Variants in LRRC4C observed in about 807,000 individuals in gnomAD.
LRRC4C encodes leucine rich repeat containing 4C.
LRRC4C carries 5 observed loss-of-function variants against 33.6 expected under a neutral mutation model. That is an observed-to-expected ratio of 0.15 (90% confidence interval 0.08 to 0.31). The LOEUF (loss-of-function observed/expected upper bound fraction) is 0.31, where lower values mean the gene tolerates loss of function less well. Among genes scored for constraint, LRRC4C ranks in the 10% least tolerant of loss-of-function variants. The pLI is 1.00. For synonymous variants in LRRC4C, 329 were observed against 302.0 expected (o/e 1.09, Z -0.93); for missense variants, 560 against 796.7 (o/e 0.70, Z 3.58).
chr11:40,278,951 G>A (rs1188263146), intron 4 of LRRC4C, among the ~76,000 whole-genome samples: 4 of 152,142 alleles, frequency 2.6e-5, no homozygotes, highest in Non-Finnish European at 4.4e-5. Context: ...TGTGATCTCA[G>A]GGTGCTCACT....
At chr11:40,710,992 G>A (rs1179870302) in intron 2 of LRRC4C, among the ~76,000 whole-genome samples, 2 of 152,184 alleles carry the variant, frequency 1.3e-5, no homozygotes, top group Non-Finnish European at 2.9e-5. Context: ...TGTGGGACCC[G>A]CTGAGCCAGG....
In LRRC4C at chr11:40,307,038, A is replaced by AT. The variant is rs888310974; in HGVS notation, c.-176+12589dup. 2.7e-4 allele frequency among the ~76,000 whole-genome samples: 39 copies of AT among 145,580 alleles called. 1 individual carries two copies. Among genetic ancestry groups the AT allele is most frequent in the South Asian group, 4.4e-4 (2 of 4,590 alleles). On this transcript the variant is annotated intron_variant, in intron 4 of 6. Transcript: ENST00000528697. The stretch of plus-strand genomic sequence containing the variant: ...TCTAATATCTATCTATCTATATACA[A>AT]TTTTTTTTTGTTTTTGTTTTTTTGC...
intron 2 of LRRC4C, among the ~76,000 whole-genome samples, chr11:40,803,503 C>T (rs1050963422): frequency 6.6e-6 from 1 of 152,128 alleles, no homozygotes; most frequent in African/African-American, 2.4e-5. Flanking sequence ...CATCATCTAA[C>T]TTAATCCATT....
chr11:40,471,584 C>T (rs1166590134), intron 3 of LRRC4C, among the ~76,000 whole-genome samples: 1 of 150,150 alleles, frequency 6.7e-6, no homozygotes, highest in Non-Finnish European at 1.5e-5. Flanking sequence ...TAAAAGATCC[C>T]TCAGTGTGCT....
At chr11:40,717,583 G>T (rs79052176) in intron 2 of LRRC4C, among the ~76,000 whole-genome samples, 3,640 of 152,054 alleles carry the variant, frequency 0.024, 157 homozygotes, top group African/African-American at 0.083. Flanking sequence ...GTACAGATTA[G>T]GTACCAGTCA....
Position 40,127,206 on chromosome 11 carries a change from G to T in LRRC4C, c.-42-10872C>A, listed in dbSNP as rs548352045. ...GCAGGAAAATCGCTTGAACCGGGAG[G>T]CGGAGGTTACAGTCAGCCAAGATTG... On this transcript the variant is annotated intron_variant, in intron 6 of 6. Transcript: ENST00000528697. Among the ~76,000 whole-genome samples, 158 of 152,190 alleles carry T rather than the reference G, an allele frequency of 1.0e-3. 1 individual carries two copies. Among genetic ancestry groups the T allele is most frequent in the Non-Finnish European group, 2.0e-3 (138 of 68,026 alleles).
At chr11:41,073,560 T>A (rs1393707486) in intron 1 of LRRC4C, among the ~76,000 whole-genome samples, 1 of 152,194 alleles carries the variant, frequency 6.6e-6, no homozygotes, top group Non-Finnish European at 1.5e-5. Context: ...TAACCCATGT[T>A]AGAACTCCAC....
chr11:40,126,986 A>G (rs1478176923), intron 6 of LRRC4C, among the ~76,000 whole-genome samples: 1 of 151,850 alleles, frequency 6.6e-6, no homozygotes, highest in East Asian at 1.9e-4. Context: ...TAAAAAGAAG[A>G]AGAGAATTTG....
intron 2 of LRRC4C, among the ~76,000 whole-genome samples, chr11:40,863,449 T>A (rs1954201651): frequency 6.6e-6 from 1 of 152,202 alleles, no homozygotes; most frequent in African/African-American, 2.4e-5. Flanking sequence ...GGAACCTGTC[T>A]CATGATATCA....
At chr11:40,142,510 C>G (rs972157545) in intron 5 of LRRC4C, among the ~76,000 whole-genome samples, 2 of 151,906 alleles carry the variant, frequency 1.3e-5, no homozygotes, top group African/African-American at 4.8e-5. Flanking sequence ...ATCAAATAGC[C>G]GGTTCTCAAT....
chr11:41,089,700 A>G (rs1940262581), intron 1 of LRRC4C, among the ~76,000 whole-genome samples: 1 of 152,092 alleles, frequency 6.6e-6, no homozygotes, highest in African/African-American at 2.4e-5. Flanking sequence ...TATATCTGAC[A>G]TATAATTTAC....
chr11:41,453,363 T>C (rs1956085271), intron 1 of LRRC4C, among the ~76,000 whole-genome samples: 1 of 152,094 alleles, frequency 6.6e-6, no homozygotes, highest in Admixed American at 6.6e-5. Flanking sequence ...GACCCATTGG[T>C]TCAGAGAAGC....
chr11:40,395,757 C>T (rs1204570391), intron 3 of LRRC4C, among the ~76,000 whole-genome samples: 11 of 152,042 alleles, frequency 7.2e-5, no homozygotes, highest in African/African-American at 1.4e-4. Context: ...GAGGCTGAGG[C>T]GGTCAGATCA....
chr11:40,399,970 A>T (rs1397749834), intron 3 of LRRC4C, among the ~76,000 whole-genome samples: 1 of 152,142 alleles, frequency 6.6e-6, no homozygotes, highest in African/African-American at 2.4e-5. Flanking sequence ...CAAAGGACAA[A>T]ATAAAGACCA....
intron 4 of LRRC4C, among the ~76,000 whole-genome samples, chr11:40,304,508 C>T (rs928106898): frequency 3.9e-5 from 6 of 152,032 alleles, no homozygotes; most frequent in African/African-American, 7.2e-5. Flanking sequence ...TTTATTCAAA[C>T]GAAATATTAA....
Position 40,837,971 on chromosome 11 carries a change from A to C in LRRC4C, c.-407+95664T>G, listed in dbSNP as rs144356169. Reference sequence around the variant, plus strand: ...AAATAATATATTTTAGACTTATAACAAAAAATACCATTGAAAATAACACAT... The same window carrying C: ...AAATAATATATTTTAGACTTATAACCAAAAATACCATTGAAAATAACACAT... On this transcript the variant is annotated intron_variant, in intron 2 of 6. Transcript: ENST00000528697. Among the ~76,000 whole-genome samples, 6 of 152,304 alleles carry C rather than the reference A, an allele frequency of 3.9e-5. No individual in the cohort carries two copies. In the East Asian group the frequency reaches 1.2e-3, roughly 29 times the overall value.
intron 1 of LRRC4C, among the ~76,000 whole-genome samples, chr11:41,181,271 A>AT (rs1183718721): frequency 6.6e-6 from 1 of 152,034 alleles, no homozygotes; most frequent in Non-Finnish European, 1.5e-5. Flanking sequence ...TGGATATTAG[A>AT]TTTTTTCAGG....
intron 2 of LRRC4C, among the ~76,000 whole-genome samples, chr11:40,781,869 TTGTGTAATCAGGAAAG>T: frequency 6.6e-6 from 1 of 152,262 alleles, no homozygotes; most frequent in Non-Finnish European, 1.5e-5. Context: ...ACGTAGAGAT[TTGTGTAATCAGGAAAG>T]TGAAATGCCA....
intron 5 of LRRC4C, among the ~76,000 whole-genome samples, chr11:40,218,221 T>C (rs1485001035): frequency 6.6e-6 from 1 of 152,202 alleles, no homozygotes; most frequent in Non-Finnish European, 1.5e-5. Context: ...ATAATTCTCA[T>C]TAATTTTACA....
Sources: allele counts gnomAD v4.1 joint callset (sites outside exome capture counted in the v4.1 genomes callset), GRCh38; gene constraint gnomAD v4.1.1; transcripts MANE v1.5; gene names NCBI Gene and HGNC (gene_info 2026-07-23, HGNC 2026-07-21).